Variants in TAP1 observed in about 807,000 individuals in gnomAD.
TAP1 encodes the protein antigen peptide transporter 1.
In TAP1, 56 loss-of-function variants were observed where a neutral mutation model predicts 79.3. That is an observed-to-expected ratio of 0.71 (90% CI 0.57 to 0.88). TAP1 has a LOEUF of 0.88. Among genes scored for constraint, TAP1 ranks in the 40% least tolerant of loss-of-function variants. The pLI is 0.00. For missense variants in TAP1, 737 were observed against 936.3 expected, an observed-to-expected ratio of 0.79 and a Z score of 2.78; for synonymous variants, 355 against 401.4, an observed-to-expected ratio of 0.88 and a Z score of 1.38.
At position 32,852,608 on chromosome 6, in the gene TAP1, G is replaced by A. The variant is rs1415786366; in HGVS notation, c.599-106C>T. 2 of 1,557,698 alleles carry A rather than the reference G, an allele frequency of 1.3e-6. No homozygotes were observed. The highest frequency in any genetic ancestry group is 1.7e-6 in the Non-Finnish European group (2 of 1,152,224). ...CCTCCCCCTCACCATTATCCTGGAG[G>A]GCATCAGCAGAAAGGAAACACTGAC... On this transcript the variant is annotated intron_variant, in intron 1 of 10. Transcript: ENST00000354258. This position sits in a 1 kb window ranked among gnomAD's most constrained non-coding sequence, Gnocchi z 4.8.
chr6:32,848,213 C>A, intron 7 of TAP1, 121 bp from the exon 8 acceptor site: 7 of 1,289,258 alleles, frequency 5.4e-6, no homozygotes, highest in Non-Finnish European at 7.6e-6. Flanking sequence ...TATAGAAACT[C>A]CTACCCTCCC....
chr6:32,850,300 A>G lies in TAP1; in HGVS notation c.1248+20T>C. The G allele has an allele frequency of 1.2e-6, 2 of 1,608,484 alleles. No individual in the cohort carries two copies. The highest frequency in any genetic ancestry group is 2.2e-5 in the East Asian group (1 of 44,858). On this transcript the variant is annotated intron_variant, in intron 5 of 10. Transcript: ENST00000354258. The surrounding 1 kb of genome is among the most constrained non-coding windows in gnomAD (Gnocchi z 5.5). ...GCATCTTAAGGACAAGGGAATGGGT[A>G]TTCATCTTCAGGTGCTCACACTAGT...
chr6:32,849,108 A>G lies in TAP1; in HGVS notation c.1259T>C (p.Met420Thr), dbSNP rs777413398. Residue 420 changes from methionine (M) to threonine (T), a missense_variant, in exon 6 of 11, where the codon ATG (methionine) becomes ACG (threonine). This residue lies in a region of TAP1 where 406 missense variants were observed against 477.2 expected (regional missense o/e 0.85). Coordinates refer to ENST00000354258, the MANE Select transcript of TAP1 (RefSeq NM_000593.6). ...GTAGAGGATTCCCACTTTCAGCAGC[A>G]TACCTGAAATCTATAAAGAGACCAC... ...VNSWTTSISG[M>T]LLKVGILYIG... 2 of 1,582,840 alleles carry G rather than the reference A, an allele frequency of 1.3e-6. No homozygotes were observed. Among genetic ancestry groups the G allele is most frequent in the Non-Finnish European group, 1.7e-6 (2 of 1,164,542 alleles).
chr6:32,848,952 A>C (rs1338612919), intron 6 of TAP1, 38 bp downstream of exon 6: 26 of 1,612,860 alleles, frequency 1.6e-5, no homozygotes, highest in Non-Finnish European at 1.9e-5. Context: ...GGCCAGAGGA[A>C]GGAATCACAC....
chr6:32,850,309 C>T lies in TAP1; in HGVS notation c.1248+11G>A. ...GGACAAGGGAATGGGTATTCATCTT[C>T]AGGTGCTCACACTAGTGGTCCAGGA... On this transcript the variant is annotated intron_variant, in intron 5 of 10. Transcript: ENST00000354258. This position sits in a 1 kb window ranked among gnomAD's most constrained non-coding sequence, Gnocchi z 5.5. 6.2e-7 allele frequency: 1 copy of T among 1,613,940 alleles called. No homozygotes were observed. Among genetic ancestry groups the T allele is most frequent in the Non-Finnish European group, 8.5e-7 (1 of 1,179,750 alleles).
Position 32,853,451 on chromosome 6 carries a change from C to G in TAP1, c.186G>C (p.Leu62=), listed in dbSNP as rs767326847. ...CCAGCCAGAGCACGGCCCAGCGGCTCAGGCCCACCGCCCAGACCCGGAGCA... is the reference window on the plus strand; with the variant it reads ...CCAGCCAGAGCACGGCCCAGCGGCTGAGGCCCACCGCCCAGACCCGGAGCA... ...LPLLRVWAVG[L]SRWAVLWLGA... Residue 62 remains leucine (L), a synonymous_variant, in exon 1 of 11, where the codon CTG becomes CTC. Transcript: ENST00000354258. The surrounding 1 kb of genome is among the most constrained non-coding windows in gnomAD (Gnocchi z 8.3). 6.2e-7 allele frequency: 1 copy of G among 1,611,906 alleles called. No homozygotes were observed. The highest frequency in any genetic ancestry group is 8.5e-7 in the Non-Finnish European group (1 of 1,179,480).
chr6:32,853,268 C>G lies in TAP1; in HGVS notation c.369G>C (p.Gly123=). ...FRELISWGAP[G]SADSTRLLHW... Reference sequence around the variant, plus strand: ...GCAGTAGCCTGGTGCTATCCGCGGACCCGGGGGCTCCCCATGAGATCAGCT... The same window carrying G: ...GCAGTAGCCTGGTGCTATCCGCGGAGCCGGGGGCTCCCCATGAGATCAGCT... Residue 123 remains glycine (G), a synonymous_variant, in exon 1 of 11, where the codon GGG becomes GGC. Transcript: ENST00000354258. The surrounding 1 kb of genome is among the most constrained non-coding windows in gnomAD (Gnocchi z 8.3). The G allele has an allele frequency of 1.3e-6, 2 of 1,589,320 alleles. No individual in the cohort carries two copies. The highest frequency in any genetic ancestry group is 1.7e-6 in the Non-Finnish European group (2 of 1,167,298).
Position 32,853,441 on chromosome 6 carries a change from C to A in TAP1, c.196G>T (p.Ala66Ser), listed in dbSNP as rs773915904. The part of the protein sequence containing the change: ...RVWAVGLSRW[A>S]VLWLGACGVL... ...CCGCAGGCCCCCAGCCAGAGCACGG[C>A]CCAGCGGCTCAGGCCCACCGCCCAG... The change falls in exon 1 of 11, where the codon GCC (alanine) becomes TCC (serine). Residue 66 changes from alanine to serine, a missense_variant. Physicochemically the swap from Ala to Ser is moderately conservative, Grantham distance 99. Around this residue, in one of 5 missense-constraint regions of TAP1, gnomAD observed 406 missense variants for 477.2 expected, o/e 0.85. Transcript: ENST00000354258. The surrounding 1 kb of genome is among the most constrained non-coding windows in gnomAD (Gnocchi z 8.3). 1 of 1,611,938 alleles carries A rather than the reference C, an allele frequency of 6.2e-7. No individual in the cohort carries two copies. The highest frequency in any genetic ancestry group is 8.5e-7 in the Non-Finnish European group (1 of 1,179,562).
chr6:32,847,235 T>C lies in TAP1; in HGVS notation c.1904-31A>G. 1 of 1,608,986 alleles carries C rather than the reference T, an allele frequency of 6.2e-7. No individual in the cohort carries two copies. The highest frequency in any genetic ancestry group is 8.5e-7 in the Non-Finnish European group (1 of 1,179,940). ...GAGCAAAGGGCCAAGATGAGAACGG[T>C]ATAGCCACATGTGTGCACGCATGTA... On this transcript the variant is annotated intron_variant, in intron 9 of 10. Coordinates refer to ENST00000354258, the MANE Select transcript of TAP1 (RefSeq NM_000593.6). The surrounding 1 kb of genome is among the most constrained non-coding windows in gnomAD (Gnocchi z 4.7).
In TAP1 at chr6:32,847,374, T is replaced by G; in HGVS notation, c.1903+139A>C. 6.7e-7 allele frequency: 1 copy of G among 1,499,464 alleles called. No individual in the cohort carries two copies. The highest frequency in any genetic ancestry group is 1.1e-5 in the South Asian group (1 of 87,134). The allele number at this position is 1,499,464 out of a possible 1,614,324, so 92.9% of individuals were successfully genotyped here. On this transcript the variant is annotated intron_variant, in intron 9 of 10. Transcript: ENST00000354258. The surrounding 1 kb of genome is among the most constrained non-coding windows in gnomAD (Gnocchi z 4.7). ...GAACAGAATCCTGAGGATGTCAGGA[T>G]GAAGAAGCCATAGGAGCATGATCTT... is the stretch of plus-strand genomic sequence containing the variant.
chr6:32,850,298 G>A lies in TAP1; in HGVS notation c.1248+22C>T. The stretch of plus-strand genomic sequence containing the variant: ...CGGCATCTTAAGGACAAGGGAATGG[G>A]TATTCATCTTCAGGTGCTCACACTA... On this transcript the variant is annotated intron_variant, in intron 5 of 10. Transcript: ENST00000354258. The surrounding 1 kb of genome is among the most constrained non-coding windows in gnomAD (Gnocchi z 5.5). 2 of 1,610,866 alleles carry A rather than the reference G, an allele frequency of 1.2e-6. No individual in the cohort carries two copies. Among genetic ancestry groups the A allele is most frequent in the South Asian group, 1.1e-5 (1 of 91,004 alleles).
At position 32,853,414 on chromosome 6, in the gene TAP1, C is replaced by T. The variant is rs1247935349; in HGVS notation, c.223G>A (p.Val75Ile). 4 of 1,610,726 alleles carry T rather than the reference C, an allele frequency of 2.5e-6. No individual in the cohort carries two copies. The highest frequency in any genetic ancestry group is 2.2e-5 in the East Asian group (1 of 44,810). ...TTGGAGCCAACCGTTGCCCTGAGGA[C>T]CCCGCAGGCCCCCAGCCAGAGCACG... ...WAVLWLGACG[V>I]LRATVGSKSE... The change falls in exon 1 of 11, where the codon GTC becomes ATC. Residue 75 changes from valine to isoleucine, a missense_variant. Physicochemically the swap from Val to Ile is conservative, Grantham distance 29 (BLOSUM62 3). This residue lies in a region of TAP1 where 406 missense variants were observed against 477.2 expected (regional missense o/e 0.85). Coordinates refer to ENST00000354258, the MANE Select transcript of TAP1 (RefSeq NM_000593.6). This position sits in a 1 kb window ranked among gnomAD's most constrained non-coding sequence, Gnocchi z 8.3.
intron 5 of TAP1, chr6:32,849,866 A>C (rs574594175): frequency 5.1e-6 from 1 of 197,742 alleles, no homozygotes; most frequent in South Asian, 9.7e-5. Flanking sequence ...AGTAAATTGC[A>C]TCATCAAGCC....
intron 10 of TAP1, 96 bp downstream of exon 10, chr6:32,846,972 G>T: frequency 3.2e-6 from 5 of 1,574,820 alleles, no homozygotes; most frequent in Non-Finnish European, 3.5e-6. Context: ...TGCAAGGACT[G>T]GTTTGTATAA....
At position 32,851,674 on chromosome 6, in the gene TAP1, A is replaced by T. The variant is rs1770785345; in HGVS notation, c.844+435T>A. ...TAACCCCAAGTGTGTCTCTAGCCAT[A>T]TGTAACTGTGCAGTTTCAGCATTTA... is the stretch of plus-strand genomic sequence containing the variant. On this transcript the variant is annotated intron_variant, in intron 3 of 10. Transcript: ENST00000354258. The surrounding 1 kb of genome is among the most constrained non-coding windows in gnomAD (Gnocchi z 4.8). Among the ~76,000 whole-genome samples, 1 of 152,214 alleles carries T rather than the reference A, an allele frequency of 6.6e-6. No homozygotes were observed. Among genetic ancestry groups the T allele is most frequent in the African/African-American group, 2.4e-5 (1 of 41,450 alleles).
rs531615408 is a variant in TAP1 at position 32,852,187 on chromosome 6, C to G, written c.766G>C (p.Val256Leu). The change falls in exon 3 of 11, where the codon GTG (valine) becomes CTG (leucine). Residue 256 changes from valine (V) to leucine (L), a missense_variant. Transcript: ENST00000354258. The surrounding 1 kb of genome is among the most constrained non-coding windows in gnomAD (Gnocchi z 4.8). ...ACCTCTCCCTGCAAGTGGCTGTGCACGTGGCCCATGGTGTTGTTATAGATC... is the reference window on the plus strand; with the variant it reads ...ACCTCTCCCTGCAAGTGGCTGTGCAGGTGGCCCATGGTGTTGTTATAGATC... ...DGIYNNTMGH[V>L]HSHLQGEVFG... 1 of 1,612,988 alleles carries G rather than the reference C, an allele frequency of 6.2e-7. No homozygotes were observed. Among genetic ancestry groups the G allele is most frequent in the South Asian group, 1.1e-5 (1 of 91,084 alleles).
chr6:32,853,145 G>T lies in TAP1; in HGVS notation c.492C>A (p.Gly164=). ...WHKLGSLWVP[G]GQGGSGNPVR... ...CAGGGTTTCCAGAGCCGCCCTGACC[G>T]CCGGGCACCCAGAGGCTCCCGAGTT... Residue 164 remains glycine (G), a synonymous_variant, in exon 1 of 11, where the codon GGC becomes GGA. Transcript: ENST00000354258. This position sits in a 1 kb window ranked among gnomAD's most constrained non-coding sequence, Gnocchi z 8.3. The T allele has an allele frequency of 6.2e-7, 1 of 1,612,620 alleles. No individual in the cohort carries two copies.
Position 32,853,379 on chromosome 6 carries a change from G to C in TAP1, c.258C>G (p.Asn86Lys). Reference sequence around the variant, plus strand: ...CAGCCAGCCAGCCCTGGGCACCTGCGTTTTCGCTCTTGGAGCCAACCGTTG... The same window carrying C: ...CAGCCAGCCAGCCCTGGGCACCTGCCTTTTCGCTCTTGGAGCCAACCGTTG... ...LRATVGSKSE[N>K]AGAQGWLAAL... The change falls in exon 1 of 11, where the codon AAC becomes AAG. Residue 86 changes from asparagine (N) to lysine (K), a missense_variant. By Grantham distance (94) the Asn-to-Lys change is moderately conservative. Coordinates refer to ENST00000354258, the MANE Select transcript of TAP1 (RefSeq NM_000593.6). This position sits in a 1 kb window ranked among gnomAD's most constrained non-coding sequence, Gnocchi z 8.3. 2 of 1,604,118 alleles carry C rather than the reference G, an allele frequency of 1.2e-6. No individual in the cohort carries two copies. Among genetic ancestry groups the C allele is most frequent in the Non-Finnish European group, 1.7e-6 (2 of 1,175,848 alleles).
Position 32,849,056 on chromosome 6 carries a change from C to A in TAP1, c.1311G>T (p.Gly437=), listed in dbSNP as rs536640646. The A allele has an allele frequency of 4.4e-6, 7 of 1,602,842 alleles. No homozygotes were observed. In the South Asian group the frequency reaches 7.9e-5, roughly 18 times the overall value. The part of the protein sequence containing the change: ...LYIGGQLVTS[G]AVSSGNLVTF... ...TGACAAGGTTCCCACTGCTTACAGC[C>A]CCACTGGTCACCAGCTGCCCACCAA... Residue 437 remains glycine (G), a synonymous_variant, in exon 6 of 11, where the codon GGG becomes GGT. Coordinates refer to ENST00000354258, the MANE Select transcript of TAP1 (RefSeq NM_000593.6).
Sources: allele counts gnomAD v4.1 joint callset (sites outside exome capture counted in the v4.1 genomes callset), GRCh38; gene constraint gnomAD v4.1.1; regional missense constraint gnomAD v4.1.1; non-coding constraint Gnocchi (gnomAD v3.1); transcripts MANE v1.5; gene names NCBI Gene and HGNC (gene_info 2026-07-23, HGNC 2026-07-21).